KLC3: variants seen among roughly 807,000 people sequenced by gnomAD.
KLC3 encodes kinesin light chain 3.
KLC3 carries 72 observed loss-of-function variants against 62.9 expected under a neutral mutation model. The observed-to-expected ratio is 1.15, with a 90% confidence interval of 0.95 to 1.39. KLC3 has a LOEUF of 1.39. KLC3 is among the 40% of genes most tolerant of loss of function. KLC3 has a pLI of 0.00. For missense variants in KLC3, 848 were observed against 691.6 expected (o/e 1.23, Z -2.54); for synonymous variants, 377 against 300.5 (o/e 1.25, Z -2.63).
chr19:45,348,781 C>G, intron 6 of KLC3, 39 bp from the exon 7 acceptor site: 1 of 1,561,724 alleles, frequency 6.4e-7, no homozygotes, highest in South Asian at 1.2e-5. Flanking sequence ...TGGGGCCACA[C>G]CTGCCCATCC....
At chr19:45,343,304 C>T (rs1437590994) in intron 1 of KLC3, among the ~76,000 whole-genome samples, 3 of 151,972 alleles carry the variant, frequency 2.0e-5, no homozygotes, top group South Asian at 2.1e-4. Flanking sequence ...TTAGTTTCTG[C>T]GTGGGTTGGC....
intron 7 of KLC3, among the ~76,000 whole-genome samples, chr19:45,349,192 C>T (rs780020233): frequency 4.6e-5 from 7 of 152,088 alleles, no homozygotes; most frequent in Non-Finnish European, 8.8e-5. Context: ...TGGCCACCAG[C>T]ACAAGCCCAA....
intron 4 of KLC3, 146 bp downstream of exon 4, chr19:45,347,662 G>T: frequency 2.6e-6 from 2 of 764,352 alleles, no homozygotes; most frequent in Admixed American, 5.7e-5. Flanking sequence ...GTGCAGGTGA[G>T]GCTGGGAGCC....
At position 45,351,398 on chromosome 19, in the gene KLC3, T is replaced by TGCA; in HGVS notation, c.*43_*45dup. 6.2e-7 allele frequency: 1 copy of TGCA among 1,603,244 alleles called. No individual in the cohort carries two copies. The highest frequency in any genetic ancestry group is 1.3e-5 in the African/African-American group (1 of 74,954). ...GCTGGCCGCAGCTTCTTGGGAACAG[T>TGCA]GCAGGAGGGATGGGCTGGTGGGGTG... On this transcript the variant is annotated 3_prime_UTR_variant, in exon 13 of 13. Transcript: ENST00000391946.
At chr19:45,341,802 T>TAG (rs57692600) in intron 1 of KLC3, among the ~76,000 whole-genome samples, 19,821 of 136,910 alleles carry the variant, frequency 0.14, 3,341 homozygotes, top group African/African-American at 0.39. Flanking sequence ...TGTGTGTGTG[T>TAG]AGAGAGGAAC....
chr19:45,348,101 C>T lies in KLC3; in HGVS notation c.720C>T (p.Ser240=), dbSNP rs562915925. The T allele has an allele frequency of 3.1e-6, 5 of 1,602,270 alleles. No homozygotes were observed. The highest frequency in any genetic ancestry group is 4.3e-6 in the Non-Finnish European group (5 of 1,174,916). ...CRQALEDLER[S]SGHCHPDVAT... ...AGGCCTTGGAGGACCTGGAGCGCAG[C>T]TCGGGCCACTGCCACCCTGACGTGG... The change falls in exon 5 of 13, where the codon AGC becomes AGT. Residue 240 remains serine (S), a synonymous_variant. Coordinates refer to ENST00000391946, the MANE Select transcript of KLC3 (RefSeq NM_177417.3).
At chr19:45,342,830 T>C (rs1481554682) in intron 1 of KLC3, among the ~76,000 whole-genome samples, 1 of 152,122 alleles carries the variant, frequency 6.6e-6, no homozygotes, top group East Asian at 1.9e-4. Flanking sequence ...CATACATATA[T>C]CTAGAGAGAG....
At position 45,348,683 on chromosome 19, in the gene KLC3, C is replaced by T. The variant is rs202158624; in HGVS notation, c.817C>T (p.His273Tyr). ...NKYKEATDLL[H>Y]DALQIREQTL... is the part of the protein sequence containing the mutation. Reference sequence around the variant, plus strand: ...GTACAAAGAAGCCACAGACCTTCTCCATGATGCCCTGCAGATCCGGGAGCA... The same window carrying T: ...GTACAAAGAAGCCACAGACCTTCTCTATGATGCCCTGCAGATCCGGGAGCA... The change falls in exon 6 of 13, where the codon CAT (histidine) becomes TAT (tyrosine). Residue 273 changes from histidine to tyrosine, a missense_variant. His to Tyr is a moderately conservative substitution (Grantham distance 83, BLOSUM62 2). Transcript: ENST00000391946. 1.2e-4 allele frequency: 199 copies of T among 1,596,384 alleles called. No homozygotes were observed. In the African/African-American group the frequency reaches 2.2e-3, roughly 18 times the overall value.
chr19:45,351,512 G>A lies in KLC3; in HGVS notation c.*155G>A, dbSNP rs1971776477. On this transcript the variant is annotated 3_prime_UTR_variant, in exon 13 of 13. Transcript: ENST00000391946. ...TCCTGCGATTAAAGGCTGTGGACGT[G>A]ACAGTGAGAAATGTCACCTGACTTC... 2 of 1,599,508 alleles carry A rather than the reference G, an allele frequency of 1.3e-6. No homozygotes were observed. The highest frequency in any genetic ancestry group is 8.5e-7 in the Non-Finnish European group (1 of 1,177,744).
At chr19:45,346,866 A>ATCCTCCTTAGAATCCCACAGTCCCCAAGC in intron 3 of KLC3, 92 bp downstream of exon 3, 1 of 1,222,220 alleles carries the variant, frequency 8.2e-7, no homozygotes, top group Non-Finnish European at 1.1e-6. Context: ...AGTCCCCAAG[A>ATCCTCCTTAGAATCCCACAGTCCCCAAGC]TCCTCCTTAG....
chr19:45,351,186 G>GGGTT, intron 12 of KLC3, 100 bp from the exon 13 acceptor site: 7 of 1,585,470 alleles, frequency 4.4e-6, no homozygotes, highest in Non-Finnish European at 6.0e-6. Flanking sequence ...AGAGGCGAGG[G>GGGTT]GGTTGGATAG....
Position 45,347,820 on chromosome 19 carries a change from G to A in KLC3, c.560-121G>A, listed in dbSNP as rs567987227. 1.6e-4 allele frequency: 125 copies of A among 805,624 alleles called. No individual in the cohort carries two copies. In the African/African-American group the frequency reaches 2.0e-3, roughly 13 times the overall value. 49.9% of individuals were successfully genotyped at this position (805,624 alleles called of 1,614,324 possible). ...GACTCCTATCTCAGAAGTTAGCGTG[G>A]GGGCCCATAGTCCCAGGGGCCAGTT... is the stretch of plus-strand genomic sequence containing the variant. On this transcript the variant is annotated intron_variant, in intron 4 of 12. Coordinates refer to ENST00000391946, the MANE Select transcript of KLC3 (RefSeq NM_177417.3).
chr19:45,351,322 C>T lies in KLC3; in HGVS notation c.1480C>T (p.Leu494Phe), dbSNP rs760932431. The T allele has an allele frequency of 1.9e-6, 3 of 1,612,078 alleles. No individual in the cohort carries two copies. Among genetic ancestry groups the T allele is most frequent in the African/African-American group, 2.7e-5 (2 of 74,882 alleles). ...GCACCTGGACAAGGCCCCTCGGACC[C>T]TCAGCGCCAGCACCCAGGACCTGAG... ...SWHLDKAPRT[L>F]SASTQDLSPH is the part of the protein sequence containing the mutation. Residue 494 changes from leucine to phenylalanine, a missense_variant, in exon 13 of 13, where the codon CTC becomes TTC. By Grantham distance (22) the Leu-to-Phe change is conservative. Transcript: ENST00000391946.
chr19:45,341,355 G>GGT (rs1001038165), intron 1 of KLC3, among the ~76,000 whole-genome samples: 5 of 152,244 alleles, frequency 3.3e-5, no homozygotes, highest in African/African-American at 4.8e-5. Flanking sequence ...TGACTGGAAT[G>GGT]GTGTGTGTGT....
rs777548567 is a variant in KLC3 at position 45,350,580 on chromosome 19, G to T, written c.1272+29G>T. ...AGGATGGGCTGTGCTTCGGCTCCTG[G>T]GGTGGGCGTGGGGACTGCATGGGCC... is the stretch of plus-strand genomic sequence containing the variant. On this transcript the variant is annotated intron_variant, in intron 10 of 12. Transcript: ENST00000391946. 16 of 1,613,898 alleles carry T rather than the reference G, an allele frequency of 9.9e-6. No individual in the cohort carries two copies. In the South Asian group the frequency reaches 1.8e-4, roughly 18 times the overall value.
intron 1 of KLC3, among the ~76,000 whole-genome samples, chr19:45,342,799 T>C (rs1017182381): frequency 6.6e-6 from 1 of 152,198 alleles, no homozygotes; most frequent in South Asian, 2.1e-4. Flanking sequence ...TAAAGGTTGA[T>C]ATATACATCA....
Position 45,340,752 on chromosome 19 carries a change from A to G in KLC3, c.-103A>G, listed in dbSNP as rs1971376095. 6.6e-6 allele frequency: 1 copy of G among 151,802 alleles called. No homozygotes were observed. The highest frequency in any genetic ancestry group is 1.5e-5 in the Non-Finnish European group (1 of 67,908). 9.4% of individuals were successfully genotyped at this position (151,802 alleles called of 1,614,324 possible). ...TCGGAGGAGCCGCCCGAGGTCCCAG[A>G]CGCCCGGCGCAGCGGGAGCGGCGGG... is the stretch of plus-strand genomic sequence containing the variant. On this transcript the variant is annotated 5_prime_UTR_variant, in exon 1 of 13. Transcript: ENST00000391946.
chr19:45,351,377 G>A lies in KLC3; in HGVS notation c.*20G>A. 1 of 1,608,212 alleles carries A rather than the reference G, an allele frequency of 6.2e-7. No homozygotes were observed. Reference sequence around the variant, plus strand: ...CACTAACGTCCAGTGAACTGCGCTGGCCGCAGCTTCTTGGGAACAGTGCAG... The same window carrying A: ...CACTAACGTCCAGTGAACTGCGCTGACCGCAGCTTCTTGGGAACAGTGCAG... On this transcript the variant is annotated 3_prime_UTR_variant, in exon 13 of 13. Transcript: ENST00000391946.
intron 5 of KLC3, 144 bp from the exon 6 acceptor site, chr19:45,348,502 G>A (rs1971567238): frequency 1.3e-6 from 1 of 753,200 alleles, no homozygotes; most frequent in Non-Finnish European, 2.2e-6. Context: ...ATATGGAGGG[G>A]CCCACAAAAG....
Sources: allele counts gnomAD v4.1 joint callset (sites outside exome capture counted in the v4.1 genomes callset), GRCh38; gene constraint gnomAD v4.1.1; transcripts MANE v1.5; gene names NCBI Gene and HGNC (gene_info 2026-07-23, HGNC 2026-07-21).